HSD17B12: variants seen among roughly 807,000 people sequenced by gnomAD.
HSD17B12 encodes hydroxysteroid 17-beta dehydrogenase 12, also known as very-long-chain 3-oxoacyl-CoA reductase.
In HSD17B12, 32 loss-of-function variants were observed where a neutral mutation model predicts 39.3. The ratio of observed to expected loss-of-function variants is 0.81; its 90% CI spans 0.61 to 1.09. HSD17B12 has a LOEUF of 1.09. HSD17B12 is among the 50% of genes least tolerant of loss of function. HSD17B12 has a pLI of 0.00. For synonymous variants in HSD17B12, 150 were observed against 146.7 expected (o/e 1.02, Z -0.16); for missense variants, 342 against 382.9 (o/e 0.89, Z 0.89).
intron 3 of HSD17B12, among the ~76,000 whole-genome samples, chr11:43,772,284 C>T (rs1950657774): frequency 6.6e-6 from 1 of 152,168 alleles, no homozygotes; most frequent in Non-Finnish European, 1.5e-5. Flanking sequence ...CCCCCTACTC[C>T]TGTTTTCTCT....
the HSD17B12 span, among the ~76,000 whole-genome samples, chr11:43,670,834 A>T: frequency 0.32 from 48,589 of 151,780 alleles, 7,912 homozygotes; most frequent in African/African-American, 0.36. Flanking sequence ...GCAGTGAGCT[A>T]TGATCATACC....
chr11:43,826,283 C>G (rs372718441), intron 6 of HSD17B12, among the ~76,000 whole-genome samples: 46 of 152,050 alleles, frequency 3.0e-4, no homozygotes, highest in African/African-American at 1.1e-3. Flanking sequence ...CGGAGTTTCA[C>G]CGTGTTAGCC....
At chr11:43,764,557 A>G in intron 3 of HSD17B12, among the ~76,000 whole-genome samples, 1 of 152,090 alleles carries the variant, frequency 6.6e-6, no homozygotes, top group African/African-American at 2.4e-5. Context: ...CAATGAAATC[A>G]CCGACTATAA....
At chr11:43,600,652 C>T in the HSD17B12 span, among the ~76,000 whole-genome samples, 1 of 152,060 alleles carries the variant, frequency 6.6e-6, no homozygotes, top group African/African-American at 2.4e-5. Context: ...AGATTCAGTT[C>T]TACCTGGCTT....
At chr11:43,764,100 A>C (rs570758404) in intron 3 of HSD17B12, among the ~76,000 whole-genome samples, 11 of 152,274 alleles carry the variant, frequency 7.2e-5, no homozygotes, top group Admixed American at 6.5e-4. Context: ...TTAAAATTAA[A>C]GTTATCAAAC....
intron 3 of HSD17B12, among the ~76,000 whole-genome samples, chr11:43,791,370 A>G (rs991772074): frequency 6.6e-6 from 1 of 152,048 alleles, no homozygotes; most frequent in African/African-American, 2.4e-5. Context: ...TGTCTCTACT[A>G]AAAATACAAA....
chr11:43,794,108 A>T (rs1483930357), intron 3 of HSD17B12, among the ~76,000 whole-genome samples: 1 of 152,164 alleles, frequency 6.6e-6, no homozygotes, highest in East Asian at 1.9e-4. Flanking sequence ...GTTGGCCAAG[A>T]CCATCTGATA....
the HSD17B12 span, among the ~76,000 whole-genome samples, chr11:43,574,803 C>G: frequency 5.4e-3 from 818 of 152,294 alleles, 9 homozygotes; most frequent in African/African-American, 0.019. Flanking sequence ...AAAGGGTAAA[C>G]GTCACCTCGC....
At chr11:43,718,680 C>A (rs944666210) in intron 1 of HSD17B12, 1 of 779,180 alleles carries the variant, frequency 1.3e-6, no homozygotes, top group Non-Finnish European at 2.2e-6. Context: ...CACAAGATGG[C>A]GCTGAAAGCA....
In HSD17B12 at chr11:43,854,820, G is replaced by T. The variant is rs770012590; in HGVS notation, c.790G>T (p.Gly264Cys). 6.2e-7 allele frequency: 1 copy of T among 1,614,100 alleles called. No individual in the cohort carries two copies. The highest frequency in any genetic ancestry group is 1.3e-5 in the African/African-American group (1 of 75,000). The change falls in exon 10 of 11, where the codon GGC (glycine) becomes TGC (cysteine). Residue 264 changes from glycine (G) to cysteine (C), a missense_variant. Gly to Cys is a radical substitution (Grantham distance 159, BLOSUM62 -3). Coordinates refer to ENST00000278353, the MANE Select transcript of HSD17B12 (RefSeq NM_016142.3). ...TFVKSAIKTV[G>C]LQSRTNGYLI... ...TGTGAAGTCTGCAATTAAAACAGTC[G>T]GCCTGCAATCCCGAACCAATGGATA...
chr11:43,823,756 A>G (rs1159357506), intron 6 of HSD17B12, among the ~76,000 whole-genome samples: 1 of 152,186 alleles, frequency 6.6e-6, no homozygotes, highest in African/African-American at 2.4e-5. Flanking sequence ...TGATTTTTTA[A>G]AAACAGAAAA....
chr11:43,801,943 C>T (rs930696787), intron 4 of HSD17B12, among the ~76,000 whole-genome samples: 1 of 151,754 alleles, frequency 6.6e-6, no homozygotes, highest in Non-Finnish European at 1.5e-5. Flanking sequence ...CTAATAGCCA[C>T]ATTTTTTAAA....
chr11:43,643,438 G>T, the HSD17B12 span, among the ~76,000 whole-genome samples: 1 of 152,078 alleles, frequency 6.6e-6, no homozygotes, highest in Non-Finnish European at 1.5e-5. Context: ...CTGAAAGAAT[G>T]AACTCTTAGT....
chr11:43,662,201 T>C, the HSD17B12 span, among the ~76,000 whole-genome samples: 4 of 5,376 alleles, frequency 7.4e-4, no homozygotes, highest in Admixed American at 0.029. Flanking sequence ...CCACGTCTCT[T>C]TTTTTTTTTT....
chr11:43,785,218 G>C (rs1950804728), intron 3 of HSD17B12, among the ~76,000 whole-genome samples: 1 of 152,124 alleles, frequency 6.6e-6, no homozygotes, highest in Non-Finnish European at 1.5e-5. Context: ...CAAGTAGTGT[G>C]TGTACAGTGG....
intron 3 of HSD17B12, among the ~76,000 whole-genome samples, chr11:43,770,650 G>T (rs771252431): frequency 2.6e-5 from 4 of 152,192 alleles, no homozygotes; most frequent in Non-Finnish European, 5.9e-5. Flanking sequence ...GTGGAGGATT[G>T]CTTAAGCCTG....
chr11:43,684,706 A>G lies in HSD17B12; in HGVS notation c.160+3719A>G, dbSNP rs193127594. Reference sequence around the variant, plus strand: ...TTTTAAAACAACTTTAGTGGGATATAATTAATATACCATACAATTTGCCCA... The same window carrying G: ...TTTTAAAACAACTTTAGTGGGATATGATTAATATACCATACAATTTGCCCA... On this transcript the variant is annotated intron_variant, in intron 1 of 10. Coordinates refer to ENST00000278353, the MANE Select transcript of HSD17B12 (RefSeq NM_016142.3). 9.1e-4 allele frequency among the ~76,000 whole-genome samples: 138 copies of G among 152,354 alleles called. 1 individual carries two copies. Among genetic ancestry groups the G allele is most frequent in the African/African-American group, 3.3e-3 (136 of 41,584 alleles).
At chr11:43,599,625 A>G in the HSD17B12 span, among the ~76,000 whole-genome samples, 1 of 152,240 alleles carries the variant, frequency 6.6e-6, no homozygotes, top group South Asian at 2.1e-4. Context: ...TGTATGTGTC[A>G]AAAGGTTATT....
chr11:43,835,524 G>T (rs898455113), intron 7 of HSD17B12, among the ~76,000 whole-genome samples: 2 of 152,194 alleles, frequency 1.3e-5, no homozygotes, highest in African/African-American at 4.8e-5. Flanking sequence ...TGTGTGTGTG[G>T]GTGTGGGAGG....
Sources: gnomAD v4.1 joint callset for allele counts (sites outside exome capture counted in the v4.1 genomes callset) on GRCh38, gnomAD v4.1.1 for gene constraint, MANE v1.5 for transcripts, NCBI Gene and HGNC (gene_info 2026-07-23, HGNC 2026-07-21) for gene names.